UNC13A: variants seen among roughly 807,000 people sequenced by gnomAD.
UNC13A encodes unc-13 homolog A, also known as protein unc-13 homolog A.
Under a neutral mutation model 219.7 loss-of-function variants are expected in UNC13A, and 61 were observed. The ratio of observed to expected loss-of-function variants is 0.28; its 90% confidence interval spans 0.23 to 0.34. The LOEUF (loss-of-function observed/expected upper bound fraction) is 0.34. Ranked by LOEUF, UNC13A falls within the 10% of genes least tolerant of loss-of-function variation. UNC13A has a pLI of 1.00. For synonymous variants in UNC13A, 920 were observed against 884.6 expected, an observed-to-expected ratio of 1.04 and a Z score of -0.71; for missense variants, 1,476 against 2,270.3, an observed-to-expected ratio of 0.65 and a Z score of 7.11.
rs535114373 is a variant in UNC13A at position 17,662,736 on chromosome 19, C to T, written c.559+796G>A. ...GAGATCGAGACCCTCCTGGCTAACA[C>T]GGTGAAACCCCGTCTCTACTAAAAA... On this transcript the variant is annotated intron_variant, in intron 8 of 43. Transcript: ENST00000519716. Among the ~76,000 whole-genome samples the T allele has an allele frequency of 9.0e-3, 1,361 of 151,976 alleles. 12 individuals are homozygous for T. Among genetic ancestry groups the T allele is most frequent in the Non-Finnish European group, 0.015 (989 of 67,960 alleles).
rs557029134 is a variant in UNC13A at position 17,606,141 on chromosome 19, G to C, written c.5025C>G (p.Arg1675=). The C allele has an allele frequency of 2.5e-6, 4 of 1,591,078 alleles. No homozygotes were observed. The Admixed American group carries it at 6.9e-5, about 28-fold the overall frequency. Residue 1675 remains arginine (R), a synonymous_variant, in exon 44 of 44, where the codon CGC becomes CGG. Coordinates refer to ENST00000519716, the MANE Select transcript of UNC13A (RefSeq NM_001080421.3). ...ACTCCTTGGCCACCTCGTCGTTGCT[G>C]CGCTGCGAGAGGATTCGCAGCACCG... The part of the protein sequence containing the change: ...GLTVLRILSQ[R]SNDEVAKEFV...
chr19:17,610,077 C>CT lies in UNC13A; in HGVS notation c.4673dup (p.Trp1559ValfsTer35). The stretch of plus-strand genomic sequence containing the variant: ...GCCGGAAGATGCCAGAAGTCTGCCA[C>CT]TTGAGGTCATTGGCAGCCACCACTG... On this transcript the variant is annotated frameshift_variant, in exon 43 of 44. Coordinates refer to ENST00000519716, the MANE Select transcript of UNC13A (RefSeq NM_001080421.3). LOFTEE classifies it high-confidence loss of function. The CT allele has an allele frequency of 6.2e-7, 1 of 1,614,060 alleles. No homozygotes were observed. Among genetic ancestry groups the CT allele is most frequent in the Non-Finnish European group, 8.5e-7 (1 of 1,179,910 alleles).
chr19:17,616,496 A>C, intron 41 of UNC13A: 1 of 343,792 alleles, frequency 2.9e-6, no homozygotes, highest in Admixed American at 3.8e-5. Flanking sequence ...AGGGGGAGAG[A>C]GGTGGGAAGC....
intron 4 of UNC13A, among the ~76,000 whole-genome samples, chr19:17,670,136 C>A (rs369952141): frequency 3.3e-5 from 5 of 151,708 alleles, no homozygotes; most frequent in Admixed American, 1.3e-4. Flanking sequence ...TTAGTAGAGA[C>A]GGGGTTTCAC....
At position 17,641,499 on chromosome 19, in the gene UNC13A, C is replaced by T; in HGVS notation, c.2530G>A (p.Ala844Thr). 1.2e-6 allele frequency: 2 copies of T among 1,614,104 alleles called. No homozygotes were observed. The highest frequency in any genetic ancestry group is 1.7e-5 in the Admixed American group (1 of 60,020). The part of the protein sequence containing the change: ...QNNGVVKIPD[A>T]KGDDAWKVYY... ...ACCTTCCAGGCATCGTCACCCTTGG[C>T]ATCTGGGATCTTCACGACCCCATTG... The change falls in exon 21 of 44, where the codon GCC (alanine) becomes ACC (threonine). Residue 844 changes from alanine to threonine, a missense_variant. Transcript: ENST00000519716.
In UNC13A at chr19:17,606,269, C is replaced by T; in HGVS notation, c.4897G>A (p.Val1633Met). 1.3e-6 allele frequency: 2 copies of T among 1,547,956 alleles called. No individual in the cohort carries two copies. Among genetic ancestry groups the T allele is most frequent in the East Asian group, 2.5e-5 (1 of 40,598 alleles). The change falls in exon 44 of 44, where the codon GTG (valine) becomes ATG (methionine). Residue 1633 changes from valine to methionine, a missense_variant. Transcript: ENST00000519716. ...CGCAGCTGCAGCACGGCCAGCCCCA[C>T]CGTGCGGTCCTCGCGCGCGAAGCAG... Reference protein sequence around the residue: ...DYCFAREDRTVGLAVLQLREL... With the variant: ...DYCFAREDRTMGLAVLQLREL...
intron 36 of UNC13A, 128 bp from the exon 37 acceptor site, chr19:17,621,998 A>T (rs1230530832): frequency 1.1e-6 from 1 of 927,728 alleles, no homozygotes; most frequent in Non-Finnish European, 1.8e-6. Flanking sequence ...ACTGGGTTGC[A>T]TGGGGATAGT....
At chr19:17,658,363 C>A in intron 8 of UNC13A, 94 bp from the exon 9 acceptor site, 9 of 1,214,004 alleles carry the variant, frequency 7.4e-6, no homozygotes, top group Non-Finnish European at 1.1e-5. Context: ...GTGCCGCTAC[C>A]GAAGAAGAGA....
chr19:17,657,937 C>T (rs927505637), intron 9 of UNC13A, 125 bp downstream of exon 9: 3 of 962,136 alleles, frequency 3.1e-6, no homozygotes, highest in African/African-American at 1.6e-5. Context: ...GAATTCTGCC[C>T]TCCTGGATGG....
chr19:17,641,679 C>T, intron 20 of UNC13A, 123 bp from the exon 21 acceptor site: 1 of 1,012,636 alleles, frequency 9.9e-7, no homozygotes, highest in Non-Finnish European at 1.4e-6. Flanking sequence ...CATTCATCTA[C>T]TCTTTTATCC....
At position 17,621,841 on chromosome 19, in the gene UNC13A, T is replaced by C; in HGVS notation, c.4233A>G (p.Gly1411=). Residue 1411 remains glycine (G), a synonymous_variant, in exon 37 of 44, where the codon GGA becomes GGG. Coordinates refer to ENST00000519716, the MANE Select transcript of UNC13A (RefSeq NM_001080421.3). ...ACGAGGCCCTCATTACCTTTTCTAA[T>C]CCCTTGCCATGTTTTCTCAAGAGGT... The part of the protein sequence containing the change: ...IGNLLRKHGK[G]LEKGRVKLPS... The C allele has an allele frequency of 2.5e-6, 4 of 1,613,916 alleles. No homozygotes were observed. The highest frequency in any genetic ancestry group is 3.4e-6 in the Non-Finnish European group (4 of 1,179,864).
rs116039687 is a variant in UNC13A at position 17,625,697 on chromosome 19, C to T, written c.4074-745G>A. Among the ~76,000 whole-genome samples the T allele has an allele frequency of 1.0e-3, 156 of 152,040 alleles. 1 individual carries two copies. Among genetic ancestry groups the T allele is most frequent in the African/African-American group, 3.6e-3 (151 of 41,446 alleles). On this transcript the variant is annotated intron_variant, in intron 34 of 43. Coordinates refer to ENST00000519716, the MANE Select transcript of UNC13A (RefSeq NM_001080421.3). ...TCCAAATATTTCTCACCTATTAATC[C>T]ATCCATCCATCGACCCACTCATCCA...
At chr19:17,625,190 C>T (rs1405683793) in intron 34 of UNC13A, among the ~76,000 whole-genome samples, 1 of 152,062 alleles carries the variant, frequency 6.6e-6, no homozygotes, top group Non-Finnish European at 1.5e-5. Context: ...GGGAGGAAGG[C>T]TTGGGTTTTA....
chr19:17,683,952 C>T (rs1019517457), intron 1 of UNC13A, among the ~76,000 whole-genome samples: 3 of 150,782 alleles, frequency 2.0e-5, no homozygotes, highest in East Asian at 2.0e-4. Context: ...AAAAGTCAGC[C>T]GGGTGTGGTG....
In UNC13A at chr19:17,611,862, A is replaced by G; in HGVS notation, c.4559-7T>C. On this transcript the variant is annotated splice_polypyrimidine_tract_variant and splice_region_variant and intron_variant, in intron 41 of 43. Transcript: ENST00000519716. ...GGGTCTTCTACACCCAAGCCTGGGC[A>G]GGGCAGGGGAGGATGGTCAGCGTGA... is the stretch of plus-strand genomic sequence containing the variant. 1 of 1,612,924 alleles carries G rather than the reference A, an allele frequency of 6.2e-7. No individual in the cohort carries two copies. The highest frequency in any genetic ancestry group is 8.5e-7 in the Non-Finnish European group (1 of 1,179,038).
At chr19:17,647,603 C>T (rs551789070) in intron 16 of UNC13A, 111 bp from the exon 17 acceptor site, 2 of 1,056,426 alleles carry the variant, frequency 1.9e-6, no homozygotes, top group Admixed American at 2.3e-5. Context: ...GGTGTCACCC[C>T]CTGAAGCCGG....
At chr19:17,636,967 C>T (rs1275790913) in intron 25 of UNC13A, among the ~76,000 whole-genome samples, 2 of 151,598 alleles carry the variant, frequency 1.3e-5, no homozygotes, top group Non-Finnish European at 2.9e-5. Flanking sequence ...ACTTGTTCTT[C>T]TCTCTATTTT....
intron 1 of UNC13A, 23 bp from the exon 2 acceptor site, chr19:17,676,064 G>T (rs1388724314): frequency 6.4e-7 from 1 of 1,551,786 alleles, no homozygotes; most frequent in South Asian, 1.2e-5. Flanking sequence ...ACAGAGATAG[G>T]GAAGGGAGGT....
intron 31 of UNC13A, 148 bp from the exon 32 acceptor site, chr19:17,628,088 CT>C: frequency 1.4e-6 from 1 of 702,820 alleles, no homozygotes; most frequent in Non-Finnish European, 2.4e-6. Context: ...TGGAAGGGAG[CT>C]TTTGTGCTCA....
Sources: gnomAD v4.1 joint callset for allele counts (sites outside exome capture counted in the v4.1 genomes callset) on GRCh38, gnomAD v4.1.1 for gene constraint, MANE v1.5 for transcripts, NCBI Gene and HGNC (gene_info 2026-07-23, HGNC 2026-07-21) for gene names.